The following OSBPL1A variants were observed in gnomAD, a reference collection of about 807,000 sequenced individuals.
OSBPL1A encodes oxysterol-binding protein-related protein 1.
Under a neutral mutation model 137.1 loss-of-function variants are expected in OSBPL1A, and 80 were observed. That is an observed-to-expected ratio of 0.58 (90% CI 0.49 to 0.70). The LOEUF (loss-of-function observed/expected upper bound fraction) is 0.70. Ranked by LOEUF, OSBPL1A falls within the 30% of genes least tolerant of loss-of-function variation. The pLI, the probability that OSBPL1A is intolerant of heterozygous loss-of-function variation, is 0.00. For synonymous variants in OSBPL1A, 365 were observed against 389.7 expected (o/e 0.94, Z 0.75); for missense variants, 970 against 1,129.4 (o/e 0.86, Z 2.02).
rs539808361 is a variant in OSBPL1A at position 24,376,820 on chromosome 18, C to T, written c.121+593G>A. ...AGTACACCCTCCGCAGCCGCTGGCCCGGGTGCTAAGCTCCTCATTGCCAGG... is the reference window on the plus strand; with the variant it reads ...AGTACACCCTCCGCAGCCGCTGGCCTGGGTGCTAAGCTCCTCATTGCCAGG... On this transcript the variant is annotated intron_variant, in intron 2 of 27. Coordinates refer to ENST00000319481, the MANE Select transcript of OSBPL1A (RefSeq NM_080597.4). Among the ~76,000 whole-genome samples the T allele has an allele frequency of 3.9e-5, 6 of 152,348 alleles. No homozygotes were observed. In the East Asian group the frequency reaches 5.8e-4, roughly 15 times the overall value.
intron 4 of OSBPL1A, among the ~76,000 whole-genome samples, chr18:24,360,943 T>A (rs951079998): frequency 6.6e-6 from 1 of 152,226 alleles, no homozygotes; most frequent in Non-Finnish European, 1.5e-5. Context: ...TATCTTGTTT[T>A]TACTAATGTT....
chr18:24,222,261 T>TATGG (rs2087917621), intron 17 of OSBPL1A, among the ~76,000 whole-genome samples: 1 of 152,164 alleles, frequency 6.6e-6, no homozygotes, highest in Admixed American at 6.5e-5. Flanking sequence ...GTTTACTCCT[T>TATGG]TAATCTATTC....
At chr18:24,268,852 A>C (rs1427674284) in intron 15 of OSBPL1A, among the ~76,000 whole-genome samples, 1 of 152,194 alleles carries the variant, frequency 6.6e-6, no homozygotes, top group Non-Finnish European at 1.5e-5. Flanking sequence ...TCCCAATGCT[A>C]ATGATTCTCA....
At chr18:24,302,892 G>T (rs1364821905) in intron 14 of OSBPL1A, 1 of 152,184 alleles carries the variant, frequency 6.6e-6, no homozygotes, top group Non-Finnish European at 1.5e-5. Flanking sequence ...ATGGATGAGG[G>T]CACTGAAGCT....
At chr18:24,317,899 T>G (rs2090765705) in intron 9 of OSBPL1A, among the ~76,000 whole-genome samples, 1 of 152,236 alleles carries the variant, frequency 6.6e-6, no homozygotes, top group Admixed American at 6.5e-5. Context: ...TGGAAAAATT[T>G]TATATATGTA....
At chr18:24,363,447 C>CTTTT (rs575394950) in intron 4 of OSBPL1A, among the ~76,000 whole-genome samples, 41 of 131,020 alleles carry the variant, frequency 3.1e-4, no homozygotes, top group African/African-American at 1.0e-3. Flanking sequence ...TCTTTTTTTC[C>CTTTT]TTTTTTTTTT....
chr18:24,328,815 C>CA (rs2091025071), intron 7 of OSBPL1A, among the ~76,000 whole-genome samples: 1 of 151,930 alleles, frequency 6.6e-6, no homozygotes, highest in African/African-American at 2.4e-5. Context: ...GACTTAGTAT[C>CA]AAAAAAGGAA....
chr18:24,250,177 TGTTTG>T (rs1567975487), intron 15 of OSBPL1A, among the ~76,000 whole-genome samples: 12 of 56,214 alleles, frequency 2.1e-4, no homozygotes, highest in African/African-American at 5.5e-4. Context: ...TTTGTTTGTT[TGTTTG>T]TTTGTTTTTT....
intron 4 of OSBPL1A, among the ~76,000 whole-genome samples, chr18:24,345,054 G>A (rs529578942): frequency 3.2e-4 from 48 of 152,048 alleles, no homozygotes; most frequent in African/African-American, 1.1e-3. Context: ...CTGAGCTCAA[G>A]TAATCTGCCC....
At chr18:24,358,202 G>T in intron 4 of OSBPL1A, 1 of 483,588 alleles carries the variant, frequency 2.1e-6, no homozygotes, top group Non-Finnish European at 3.6e-6. Context: ...AGCCTAAGAA[G>T]GGCATGGTAT....
At chr18:24,256,518 T>A (rs1286166545) in intron 15 of OSBPL1A, among the ~76,000 whole-genome samples, 1 of 152,192 alleles carries the variant, frequency 6.6e-6, no homozygotes, top group Non-Finnish European at 1.5e-5. Flanking sequence ...TCATACTAAA[T>A]GAGGAAAAAC....
intron 21 of OSBPL1A, among the ~76,000 whole-genome samples, chr18:24,176,695 T>A (rs2086456830): frequency 6.6e-6 from 1 of 152,228 alleles, no homozygotes; most frequent in South Asian, 2.1e-4. Flanking sequence ...TGAGCTTTCA[T>A]TCCAGTGTCA....
At chr18:24,234,015 A>T (rs1305470219) in intron 16 of OSBPL1A, among the ~76,000 whole-genome samples, 1 of 152,202 alleles carries the variant, frequency 6.6e-6, no homozygotes, top group Non-Finnish European at 1.5e-5. Context: ...GAAACACAAA[A>T]AAAGAAACTA....
At chr18:24,323,033 T>A (rs1331665415) in intron 7 of OSBPL1A, among the ~76,000 whole-genome samples, 2 of 152,226 alleles carry the variant, frequency 1.3e-5, no homozygotes, top group Non-Finnish European at 1.5e-5. Context: ...TTACATAGAA[T>A]GTAATTTCAA....
At chr18:24,286,159 AAAAT>A (rs1382731349) in intron 14 of OSBPL1A, among the ~76,000 whole-genome samples, 1 of 152,196 alleles carries the variant, frequency 6.6e-6, no homozygotes, top group Admixed American at 6.5e-5. Context: ...TCTGTCTCAA[AAAAT>A]AAATAAACAA....
intron 4 of OSBPL1A, among the ~76,000 whole-genome samples, chr18:24,350,098 A>G (rs1407950880): frequency 6.6e-6 from 1 of 152,092 alleles, no homozygotes; most frequent in African/African-American, 2.4e-5. Context: ...TAAAGACTAC[A>G]TTTCCTCGCT....
rs2088659392 is a variant in OSBPL1A at position 24,240,522 on chromosome 18, T to G, written c.1282-1140A>C. 3.3e-5 allele frequency among the ~76,000 whole-genome samples: 5 copies of G among 152,266 alleles called. No individual in the cohort carries two copies. The South Asian group carries it at 8.3e-4, about 25-fold the overall frequency. On this transcript the variant is annotated intron_variant, in intron 15 of 27. Coordinates refer to ENST00000319481, the MANE Select transcript of OSBPL1A (RefSeq NM_080597.4). ...CGGAAATCACTACTATGCCTTAATCTTGCTGGATTTCTGGAGCCAATGTGC... is the reference window on the plus strand; with the variant it reads ...CGGAAATCACTACTATGCCTTAATCGTGCTGGATTTCTGGAGCCAATGTGC...
rs768856039 is a variant in OSBPL1A at position 24,202,533 on chromosome 18, CA to C, written c.1602-6334del. Reference sequence around the variant, plus strand: ...TACAGATAACTTATCCCAAGTCTAACATTGGTCATGTGATTCTGTTTACGGT... The same window carrying C: ...TACAGATAACTTATCCCAAGTCTAACTTGGTCATGTGATTCTGTTTACGGT... On this transcript the variant is annotated intron_variant, in intron 17 of 27. Transcript: ENST00000319481. 4.2e-4 allele frequency among the ~76,000 whole-genome samples: 64 copies of C among 152,308 alleles called. No homozygotes were observed. The Middle Eastern group carries it at 0.024, about 57-fold the overall frequency.
intron 15 of OSBPL1A, among the ~76,000 whole-genome samples, chr18:24,244,286 CAAT>C (rs1160936669): frequency 6.6e-6 from 1 of 152,148 alleles, no homozygotes; most frequent in Non-Finnish European, 1.5e-5. Flanking sequence ...AATTCTCAAA[CAAT>C]AATCATCACC....
Sources: gnomAD v4.1 joint callset for allele counts (sites outside exome capture counted in the v4.1 genomes callset) on GRCh38, gnomAD v4.1.1 for gene constraint, MANE v1.5 for transcripts, NCBI Gene and HGNC (gene_info 2026-07-23, HGNC 2026-07-21) for gene names.